ADGRA1: variants seen among roughly 807,000 people sequenced by gnomAD.
The protein encoded by ADGRA1 is adhesion G protein-coupled receptor A1.
ADGRA1 carries 12 observed loss-of-function variants against 21.3 expected under a neutral mutation model. That is an observed-to-expected ratio of 0.56 (90% CI 0.36 to 0.91). The LOEUF is 0.91. ADGRA1 is among the 40% of genes least tolerant of loss of function. The pLI, the probability that ADGRA1 is intolerant of heterozygous loss-of-function variation, is 0.01. For missense variants in ADGRA1, 790 were observed against 805.6 expected (o/e 0.98, Z 0.23); for synonymous variants, 385 against 368.8 (o/e 1.04, Z -0.50).
chr10:133,088,243 C>A, intron 1 of ADGRA1, 105 bp downstream of exon 1: 1 of 420,152 alleles, frequency 2.4e-6, no homozygotes, highest in Non-Finnish European at 3.2e-6. Flanking sequence ...GAAAGCAGCT[C>A]CGAGTAACTT....
chr10:133,107,230 G>T (rs888665604), intron 5 of ADGRA1, among the ~76,000 whole-genome samples: 1 of 152,128 alleles, frequency 6.6e-6, no homozygotes, highest in Non-Finnish European at 1.5e-5. Flanking sequence ...GGCTCTAGTT[G>T]GTGTTTTGTT....
intron 5 of ADGRA1, among the ~76,000 whole-genome samples, chr10:133,104,828 C>T (rs1336051146): frequency 1.3e-5 from 2 of 152,126 alleles, no homozygotes; most frequent in African/African-American, 2.4e-5. Context: ...TTGGGCTTTG[C>T]CGAGGGCCTG....
intron 5 of ADGRA1, among the ~76,000 whole-genome samples, chr10:133,124,233 C>T (rs1852332604): frequency 6.6e-6 from 1 of 151,304 alleles, no homozygotes; most frequent in African/African-American, 2.4e-5. Context: ...CCGGCCAAGC[C>T]ACCCTCTTGG....
intron 5 of ADGRA1, among the ~76,000 whole-genome samples, chr10:133,125,192 T>G (rs1402764167): frequency 1.3e-5 from 2 of 152,254 alleles, no homozygotes; most frequent in Non-Finnish European, 2.9e-5. Context: ...CTAGTCACCA[T>G]GTTCCAGAAG....
rs752171237 is a variant in ADGRA1 at position 133,097,019 on chromosome 10, C to T, written c.49C>T (p.Leu17=). ...LSLPRYPGEF[L]HPVVYACTAV... is the part of the protein sequence containing the mutation. ...CCTGCCCCGCTACCCAGGGGAGTTC[C>T]TGCACCCCGTGGTGTACGCGTGCAC... The change falls in exon 3 of 7, where the codon CTG becomes TTG. Residue 17 remains leucine, a synonymous_variant. Coordinates refer to ENST00000392607, the MANE Select transcript of ADGRA1 (RefSeq NM_001083909.3). 11 of 1,613,136 alleles carry T rather than the reference C, an allele frequency of 6.8e-6. No individual in the cohort carries two copies. The South Asian group carries it at 8.8e-5, about 13-fold the overall frequency.
Position 133,127,357 on chromosome 10 carries a change from G to A in ADGRA1, c.500+26G>A. 6 of 1,544,790 alleles carry A rather than the reference G, an allele frequency of 3.9e-6. No homozygotes were observed. The South Asian group carries it at 5.9e-5, about 15-fold the overall frequency. ...GTGAGTACCGGGCACCCAGAACCGG[G>A]AGCTGGGAGCAGCGGGTGGGCTCTG... On this transcript the variant is annotated intron_variant, in intron 6 of 6. Transcript: ENST00000392607.
chr10:133,129,995 G>T lies in ADGRA1; in HGVS notation c.*484G>T. On this transcript the variant is annotated 3_prime_UTR_variant, in exon 7 of 7. Transcript: ENST00000392607. ...GGGGGCTGCCCTGACCTTTCCCAGTGTTCAATGTGTGTGTCTTGCGTTCTA... is the reference window on the plus strand; with the variant it reads ...GGGGGCTGCCCTGACCTTTCCCAGTTTTCAATGTGTGTGTCTTGCGTTCTA... 6.1e-6 allele frequency: 1 copy of T among 164,066 alleles called. No individual in the cohort carries two copies. Among genetic ancestry groups the T allele is most frequent in the Non-Finnish European group, 1.3e-5 (1 of 75,386 alleles). The allele number at this position is 164,066 out of a possible 1,614,324, so 10.2% of individuals were successfully genotyped here. A position where few individuals can be genotyped will look rare whatever the true frequency, so the allele number is the denominator to read the frequency against.
rs1305367488 is a variant in ADGRA1, at chr10:133,111,246, CAA to C, written c.401+8405_401+8406del. Among the ~76,000 whole-genome samples the C allele has an allele frequency of 7.4e-5, 9 of 121,312 alleles. 1 individual carries two copies. The highest frequency in any genetic ancestry group is 3.3e-4 in the East Asian group (1 of 3,044). 79.6% of individuals were successfully genotyped at this position (121,312 alleles called of 152,430 possible). A position where few individuals can be genotyped will look rare whatever the true frequency, so the allele number is the denominator to read the frequency against. ...GCACCTCCCTCCTAATCCCACCAGACAACCTGCCCACCACAGGCACCTCCCTC... is the reference window on the plus strand; with the variant it reads ...GCACCTCCCTCCTAATCCCACCAGACCCTGCCCACCACAGGCACCTCCCTC... On this transcript the variant is annotated intron_variant, in intron 5 of 6. Coordinates refer to ENST00000392607, the MANE Select transcript of ADGRA1 (RefSeq NM_001083909.3).
At chr10:133,104,672 C>T (rs1851861409) in intron 5 of ADGRA1, among the ~76,000 whole-genome samples, 1 of 152,172 alleles carries the variant, frequency 6.6e-6, no homozygotes, top group South Asian at 2.1e-4. Flanking sequence ...GGGGTGTCCA[C>T]ACAGTGCCGT....
At chr10:133,096,212 C>A (rs557375289) in intron 2 of ADGRA1, among the ~76,000 whole-genome samples, 1 of 152,128 alleles carries the variant, frequency 6.6e-6, no homozygotes, top group Non-Finnish European at 1.5e-5. Context: ...TGGGCTGATG[C>A]CCCTGAAGCC....
intron 2 of ADGRA1, among the ~76,000 whole-genome samples, chr10:133,094,518 G>T (rs1022798158): frequency 6.6e-6 from 1 of 152,204 alleles, no homozygotes; most frequent in African/African-American, 2.4e-5. Context: ...AGCAGCCCCA[G>T]GGAGGCCGTG....
chr10:133,102,524 CGTCTCCCTG>C (rs1460115012), intron 4 of ADGRA1, among the ~76,000 whole-genome samples, 164 bp from the exon 5 acceptor site: 1 of 152,210 alleles, frequency 6.6e-6, no homozygotes, highest in East Asian at 1.9e-4. Context: ...TGCAGCTCAG[CGTCTCCCTG>C]TGAGTTCTGG....
At chr10:133,115,372 A>G (rs1234921159) in intron 5 of ADGRA1, among the ~76,000 whole-genome samples, 4 of 152,190 alleles carry the variant, frequency 2.6e-5, no homozygotes, top group Admixed American at 1.3e-4. Context: ...GGGGAACCCC[A>G]GAGTAAAGGG....
At chr10:133,110,122 A>C (rs940934175) in intron 5 of ADGRA1, among the ~76,000 whole-genome samples, 5 of 152,270 alleles carry the variant, frequency 3.3e-5, no homozygotes, top group African/African-American at 4.8e-5. Context: ...AGCAGGGTCC[A>C]AGACTCCAGG....
intron 5 of ADGRA1, among the ~76,000 whole-genome samples, chr10:133,122,093 C>T (rs1009814791): frequency 2.6e-5 from 4 of 152,148 alleles, no homozygotes; most frequent in South Asian, 2.1e-4. Context: ...CGTGTGTGCA[C>T]GTGTGAGCAT....
At position 133,088,182 on chromosome 10, in the gene ADGRA1, G is replaced by T. The variant is rs111425568; in HGVS notation, c.-203+44G>T. The T allele has an allele frequency of 3.2e-4, 285 of 894,120 alleles. 3 individuals are homozygous for T. In the African/African-American group the frequency reaches 4.9e-3, roughly 15 times the overall value. 55.4% of individuals were successfully genotyped at this position (894,120 alleles called of 1,614,324 possible). ...TCTGGGCGGCGGGAGGGACGCGCGGGGCCGCGGCTCGGCAGAAAAGCTCGC... is the reference window on the plus strand; with the variant it reads ...TCTGGGCGGCGGGAGGGACGCGCGGTGCCGCGGCTCGGCAGAAAAGCTCGC... On this transcript the variant is annotated intron_variant, in intron 1 of 6. Transcript: ENST00000392607.
intron 3 of ADGRA1, among the ~76,000 whole-genome samples, chr10:133,097,394 A>G (rs115566252): frequency 0.019 from 2,830 of 152,322 alleles, 46 homozygotes; most frequent in African/African-American, 0.037. Context: ...TTCCAGAAAT[A>G]GGTGTGGTGT....
chr10:133,128,561 G>A lies in ADGRA1; in HGVS notation c.733G>A (p.Val245Met), dbSNP rs560858305. Residue 245 changes from valine to methionine, a missense_variant, in exon 7 of 7, where the codon GTG becomes ATG. Transcript: ENST00000392607. ...CGCACACGATGCCCCCGGCGCCTCC[G>A]TGCTGCAGAACGAGCACTCATTCCA... ...PPAHDAPGAS[V>M]LQNEHSFQAQ... 11 of 1,566,380 alleles carry A rather than the reference G, an allele frequency of 7.0e-6. No individual in the cohort carries two copies. The highest frequency in any genetic ancestry group is 4.8e-5 in the East Asian group (2 of 41,910).
At chr10:133,119,261 CAAAA>C (rs34728360) in intron 5 of ADGRA1, among the ~76,000 whole-genome samples, 1 of 145,418 alleles carries the variant, frequency 6.9e-6, no homozygotes, top group Non-Finnish European at 1.5e-5. Flanking sequence ...CCTTTATTGC[CAAAA>C]AAAAAAAAAA....
Sources: allele counts gnomAD v4.1 joint callset (sites outside exome capture counted in the v4.1 genomes callset), GRCh38; gene constraint gnomAD v4.1.1; transcripts MANE v1.5; gene names NCBI Gene and HGNC (gene_info 2026-07-23, HGNC 2026-07-21).